The following TRAT1 variants were observed in gnomAD, a reference collection of about 807,000 sequenced individuals.
TRAT1 encodes the protein T cell receptor associated transmembrane adaptor 1, also known as T-cell receptor-associated transmembrane adapter 1.
A neutral mutation model predicts 20.0 loss-of-function variants in TRAT1; 20 were observed. That is an observed-to-expected ratio of 1.00 (90% CI 0.70 to 1.45). The LOEUF (loss-of-function observed/expected upper bound fraction) is 1.45, where lower values mean the gene tolerates loss of function less well. Ranked by LOEUF, TRAT1 falls within the 40% of genes most tolerant of loss-of-function variation. TRAT1 has a pLI of 0.00. For missense variants in TRAT1, 237 were observed against 224.1 expected (o/e 1.06, Z -0.37); for synonymous variants, 77 against 74.2 (o/e 1.04, Z -0.20).
chr3:108,825,175 A>C (rs1438765797), intron 1 of TRAT1, among the ~76,000 whole-genome samples: 1 of 152,174 alleles, frequency 6.6e-6, no homozygotes, highest in Non-Finnish European at 1.5e-5. Context: ...ATTTGAACAC[A>C]CACAAAAGAA....
chr3:108,836,517 T>C (rs958500046), intron 2 of TRAT1, among the ~76,000 whole-genome samples: 1 of 152,190 alleles, frequency 6.6e-6, no homozygotes, highest in African/African-American at 2.4e-5. Flanking sequence ...TACTTATATA[T>C]CTTTTAACTT....
At chr3:108,840,993 A>G (rs1945891750) in intron 3 of TRAT1, among the ~76,000 whole-genome samples, 1 of 152,244 alleles carries the variant, frequency 6.6e-6, no homozygotes, top group Admixed American at 6.5e-5. Flanking sequence ...ATGCTGGGCT[A>G]AAGCACTGAA....
At chr3:108,838,837 G>T (rs1193279837) in intron 2 of TRAT1, 97 bp from the exon 3 acceptor site, 3 of 919,234 alleles carry the variant, frequency 3.3e-6, no homozygotes, top group South Asian at 1.3e-5. Context: ...TATATTAATT[G>T]ACATTGAGGC....
intron 1 of TRAT1, 70 bp from the exon 2 acceptor site, chr3:108,830,600 G>A (rs1196661328): frequency 1.0e-6 from 1 of 953,040 alleles, no homozygotes; most frequent in Admixed American, 1.7e-5. Flanking sequence ...CTTTAACTGT[G>A]GCAATAGCCA....
intron 4 of TRAT1, 49 bp downstream of exon 4, chr3:108,847,178 T>G (rs757850719): frequency 4.3e-6 from 5 of 1,164,704 alleles, no homozygotes; most frequent in Non-Finnish European, 6.2e-6. Context: ...CCCAGTTGGT[T>G]TCACAAAATA....
intron 2 of TRAT1, among the ~76,000 whole-genome samples, chr3:108,838,402 A>T (rs1293000785): frequency 6.6e-6 from 1 of 151,314 alleles, no homozygotes; most frequent in Non-Finnish European, 1.5e-5. Flanking sequence ...AGATAGATAG[A>T]TAGAGATTGA....
In TRAT1 at chr3:108,854,445, G is replaced by T. The variant is rs1248813047; in HGVS notation, c.*568G>T. 6.6e-6 allele frequency: 1 copy of T among 152,162 alleles called. No individual in the cohort carries two copies. 9.4% of individuals were successfully genotyped at this position (152,162 alleles called of 1,614,324 possible). A position where few individuals can be genotyped will look rare whatever the true frequency, so the allele number is the denominator to read the frequency against. ...AGATAGCTTTACTATTTCAAAAATT[G>T]TCAAATTAATGCATGCTCCTTACAA... is the stretch of plus-strand genomic sequence containing the variant. On this transcript the variant is annotated 3_prime_UTR_variant, in exon 6 of 6. Transcript: ENST00000295756.
At chr3:108,850,330 T>C (rs1249573563) in intron 5 of TRAT1, among the ~76,000 whole-genome samples, 1 of 147,792 alleles carries the variant, frequency 6.8e-6, no homozygotes, top group Admixed American at 6.8e-5. Flanking sequence ...TGAGACAGAG[T>C]TTTGCTCTTT....
chr3:108,825,298 A>C (rs1282029125), intron 1 of TRAT1, among the ~76,000 whole-genome samples: 1 of 152,152 alleles, frequency 6.6e-6, no homozygotes, highest in African/African-American at 2.4e-5. Context: ...CTGGTATCAT[A>C]ATTCCTGCTG....
At chr3:108,835,453 T>C (rs896295591) in intron 2 of TRAT1, among the ~76,000 whole-genome samples, 2 of 152,230 alleles carry the variant, frequency 1.3e-5, no homozygotes, top group Non-Finnish European at 2.9e-5. Context: ...CTTTTGAGCC[T>C]TCATGACAGA....
rs10575104 is a variant in TRAT1, at chr3:108,852,397, G to GCACA, written c.304-1200_304-1197dup. On this transcript the variant is annotated intron_variant, in intron 5 of 5. Coordinates refer to ENST00000295756, the MANE Select transcript of TRAT1 (RefSeq NM_016388.4). Reference sequence around the variant, plus strand: ...AGTCCATCTCAAAAAACACACGCATGCACACACACACACACACACACACAC... The same window carrying GCACA: ...AGTCCATCTCAAAAAACACACGCATGCACACACACACACACACACACACACACAC... Among the ~76,000 whole-genome samples, 18 of 148,196 alleles carry GCACA rather than the reference G, an allele frequency of 1.2e-4. 1 individual carries two copies. The highest frequency in any genetic ancestry group is 6.1e-4 in the Admixed American group (9 of 14,870).
intron 3 of TRAT1, among the ~76,000 whole-genome samples, chr3:108,846,523 T>C (rs1945944202): frequency 6.6e-6 from 1 of 152,226 alleles, no homozygotes; most frequent in Non-Finnish European, 1.5e-5. Flanking sequence ...TCTGCTAACC[T>C]CAGTCTGTAA....
intron 3 of TRAT1, among the ~76,000 whole-genome samples, chr3:108,844,669 C>A (rs1347373905): frequency 1.3e-5 from 2 of 150,820 alleles, no homozygotes; most frequent in African/African-American, 4.9e-5. Context: ...ACGGTGAAAC[C>A]CCGTCTCTAC....
rs74639693 is a variant in TRAT1, at chr3:108,836,615, T to C, written c.119-2319T>C. 3.9e-5 allele frequency among the ~76,000 whole-genome samples: 6 copies of C among 152,328 alleles called. No individual in the cohort carries two copies. The East Asian group carries it at 9.6e-4, about 24-fold the overall frequency. On this transcript the variant is annotated intron_variant, in intron 2 of 5. Coordinates refer to ENST00000295756, the MANE Select transcript of TRAT1 (RefSeq NM_016388.4). ...CCTGACTCAAATGAGTGCAATTAATTTCTGGCTTGTTATATAATATGTATT... is the reference window on the plus strand; with the variant it reads ...CCTGACTCAAATGAGTGCAATTAATCTCTGGCTTGTTATATAATATGTATT...
chr3:108,838,356 T>TGATAGATAGATAGATAGATA (rs11371183), intron 2 of TRAT1, among the ~76,000 whole-genome samples: 2 of 77,012 alleles, frequency 2.6e-5, no homozygotes, highest in Non-Finnish European at 5.1e-5. Flanking sequence ...TATAGATAGA[T>TGATAGATAGATAGATAGATA]GATAGATAGA....
At chr3:108,826,158 G>A (rs1386390195) in intron 1 of TRAT1, among the ~76,000 whole-genome samples, 1 of 152,120 alleles carries the variant, frequency 6.6e-6, no homozygotes, top group African/African-American at 2.4e-5. Flanking sequence ...TGATGTGCTA[G>A]GAAGAGGTAG....
chr3:108,828,395 A>C (rs1037718801), intron 1 of TRAT1, among the ~76,000 whole-genome samples: 1 of 152,174 alleles, frequency 6.6e-6, no homozygotes, highest in African/African-American at 2.4e-5. Context: ...CAAATAAGTC[A>C]AGGTGAAGGG....
intron 4 of TRAT1, chr3:108,847,354 C>A: frequency 2.5e-6 from 1 of 405,434 alleles, no homozygotes; most frequent in Non-Finnish European, 4.4e-6. Flanking sequence ...TCTATATTCT[C>A]TTCATTTCAC....
At chr3:108,843,868 G>A (rs772444603) in intron 3 of TRAT1, among the ~76,000 whole-genome samples, 39 of 152,118 alleles carry the variant, frequency 2.6e-4, no homozygotes, top group Non-Finnish European at 4.4e-4. Flanking sequence ...TCCCTCTTTG[G>A]TTTTCTTCTT....
Sources: gnomAD v4.1 joint callset for allele counts (sites outside exome capture counted in the v4.1 genomes callset) on GRCh38, gnomAD v4.1.1 for gene constraint, MANE v1.5 for transcripts, NCBI Gene and HGNC (gene_info 2026-07-23, HGNC 2026-07-21) for gene names.